The following MDFI variants were observed in gnomAD, a reference collection of about 807,000 sequenced individuals.
MDFI encodes the protein MyoD family inhibitor.
In MDFI, 16 loss-of-function variants were observed where a neutral mutation model predicts 22.3. The observed-to-expected ratio is 0.72, with a 90% CI of 0.49 to 1.09. The LOEUF is 1.09. Ranked by LOEUF, MDFI falls within the 50% of genes least tolerant of loss-of-function variation. The pLI is 0.00. For synonymous variants in MDFI, 145 were observed against 142.7 expected, an observed-to-expected ratio of 1.02 and a Z score of -0.12; for missense variants, 314 against 326.1, an observed-to-expected ratio of 0.96 and a Z score of 0.29.
intron 2 of MDFI, among the ~76,000 whole-genome samples, chr6:41,645,688 C>T (rs1462457317): frequency 2.6e-5 from 4 of 152,152 alleles, no homozygotes; most frequent in African/African-American, 4.8e-5. Context: ...ATCCCTTTTC[C>T]GTGCCCAATC....
rs1768394628 is a variant in MDFI at position 41,654,180 on chromosome 6, A to AGGAAG, written c.*614_*618dup. The AGGAAG allele has an allele frequency of 6.2e-6, 1 of 160,978 alleles. No individual in the cohort carries two copies. The highest frequency in any genetic ancestry group is 5.7e-5 in the Admixed American group (1 of 17,564). 10.0% of individuals were successfully genotyped at this position (160,978 alleles called of 1,614,324 possible). A position where few individuals can be genotyped will look rare whatever the true frequency, so the allele number is the denominator to read the frequency against. ...AGTATGGAAAAGACTGGAAGGGGAAAGGAAGGGAAGGGAGGGAGGGTCTGT... is the reference window on the plus strand; with the variant it reads ...AGTATGGAAAAGACTGGAAGGGGAAAGGAAGGGAAGGGAAGGGAGGGAGGGTCTGT... On this transcript the variant is annotated 3_prime_UTR_variant, in exon 5 of 5. Transcript: ENST00000230321.
intron 4 of MDFI, among the ~76,000 whole-genome samples, chr6:41,651,019 T>C (rs1243081603): frequency 6.6e-6 from 1 of 151,908 alleles, no homozygotes; most frequent in African/African-American, 2.4e-5. Context: ...CAGCCTTGTC[T>C]AAATGGTGAA....
chr6:41,642,722 T>C (rs1192107251), intron 2 of MDFI, among the ~76,000 whole-genome samples: 1 of 152,100 alleles, frequency 6.6e-6, no homozygotes, highest in Non-Finnish European at 1.5e-5. Context: ...CAGGTCAGGA[T>C]TATTGGACTT....
At chr6:41,639,121 G>A (rs1257478407) in intron 2 of MDFI, 8 of 559,814 alleles carry the variant, frequency 1.4e-5, no homozygotes, top group Non-Finnish European at 1.8e-5. Flanking sequence ...TACACTCCGC[G>A]GTGTCTGTCC....
intron 2 of MDFI, among the ~76,000 whole-genome samples, chr6:41,642,686 A>C (rs1021840135): frequency 1.3e-5 from 2 of 152,002 alleles, no homozygotes; most frequent in African/African-American, 4.8e-5. Context: ...CTGGCTCCAG[A>C]GGTTCTCTGT....
chr6:41,643,886 G>A (rs34979368), intron 2 of MDFI, among the ~76,000 whole-genome samples: 19,243 of 152,176 alleles, frequency 0.13, 1,367 homozygotes, highest in Middle Eastern at 0.21. Flanking sequence ...TGTAGGGCTT[G>A]GATCTTCTGC....
At chr6:41,645,634 C>T (rs1007940742) in intron 2 of MDFI, among the ~76,000 whole-genome samples, 4 of 152,152 alleles carry the variant, frequency 2.6e-5, no homozygotes, top group East Asian at 1.9e-4. Flanking sequence ...GCTATTGCTG[C>T]GTCTCACTCC....
rs1444852502 is a variant in MDFI at position 41,638,851 on chromosome 6, C to T, written c.76+26C>T. ...GTAGGACCGGGAGTGGCGAGCGAAG[C>T]TGGACAGGGGCGGGTGGGCGGCTGA... is the stretch of plus-strand genomic sequence containing the variant. On this transcript the variant is annotated intron_variant, in intron 2 of 4. Coordinates refer to ENST00000230321, the MANE Select transcript of MDFI (RefSeq NM_005586.4). The surrounding 1 kb of genome is among the most constrained non-coding windows in gnomAD (Gnocchi z 7.6). 12 of 1,537,072 alleles carry T rather than the reference C, an allele frequency of 7.8e-6. No individual in the cohort carries two copies. Among genetic ancestry groups the T allele is most frequent in the African/African-American group, 4.1e-5 (3 of 72,918 alleles).
chr6:41,639,646 C>T, intron 2 of MDFI: 1 of 985,442 alleles, frequency 1.0e-6, no homozygotes, highest in Non-Finnish European at 1.2e-6. Flanking sequence ...GGGATGTGTT[C>T]AGGGCCAGGG....
chr6:41,652,551 G>A lies in MDFI; in HGVS notation c.485-768G>A, dbSNP rs1227154882. Among the ~76,000 whole-genome samples, 5 of 151,962 alleles carry A rather than the reference G, an allele frequency of 3.3e-5. No individual in the cohort carries two copies. The East Asian group carries it at 9.7e-4, about 29-fold the overall frequency. On this transcript the variant is annotated intron_variant, in intron 4 of 4. Coordinates refer to ENST00000230321, the MANE Select transcript of MDFI (RefSeq NM_005586.4). ...GTAAGCAGGCTGTCGAAGGTGTCCA[G>A]GTGAGAGATGAGCCAGGTGGTAGGA...
chr6:41,649,762 T>C lies in MDFI; in HGVS notation c.403T>C (p.Ser135Pro). 1 of 1,613,920 alleles carries C rather than the reference T, an allele frequency of 6.2e-7. No individual in the cohort carries two copies. The highest frequency in any genetic ancestry group is 8.5e-7 in the Non-Finnish European group (1 of 1,179,978). The change falls in exon 4 of 5, where the codon TCT (serine) becomes CCT (proline). Residue 135 changes from serine to proline, a missense_variant. By Grantham distance (74) the Ser-to-Pro change is moderately conservative. Transcript: ENST00000230321. The stretch of plus-strand genomic sequence containing the variant: ...CCACCGGAAGTTGCAGACACACCCA[T>C]CTCTCGCCAGCCAGGGCAGCAAGAA... ...KAHRKLQTHPSLASQGSKKSK... is the reference protein window; with the variant it reads ...KAHRKLQTHPPLASQGSKKSK...
intron 2 of MDFI, among the ~76,000 whole-genome samples, chr6:41,640,677 C>T (rs1313690593): frequency 2.6e-5 from 4 of 152,202 alleles, no homozygotes; most frequent in Non-Finnish European, 5.9e-5. Flanking sequence ...GCCCCAGGGG[C>T]TCTGCTGGCA....
At chr6:41,647,303 G>A (rs765149698) in intron 3 of MDFI, among the ~76,000 whole-genome samples, 5 of 152,202 alleles carry the variant, frequency 3.3e-5, no homozygotes, top group Non-Finnish European at 7.3e-5. Context: ...AGCCCCCACG[G>A]CCATGGCCAC....
chr6:41,639,253 C>A (rs1395354068), intron 2 of MDFI: 1 of 985,264 alleles, frequency 1.0e-6, no homozygotes, highest in Admixed American at 6.1e-5. Flanking sequence ...CAACCAGAGC[C>A]CAGCGCTTCC....
At chr6:41,652,913 C>CATGCCTTCTG (rs1407566293) in intron 4 of MDFI, among the ~76,000 whole-genome samples, 2 of 152,090 alleles carry the variant, frequency 1.3e-5, no homozygotes, top group African/African-American at 4.8e-5. Flanking sequence ...CCACTGGGCC[C>CATGCCTTCTG]GGCCGACTTC....
rs1214702545 is a variant in MDFI, at chr6:41,653,801, T to C, written c.*226T>C. ...GTGGTGGGCCCATGGCAGAGAAGCC[T>C]GAACTCTTTACTGGGTTACCAGGTT... On this transcript the variant is annotated 3_prime_UTR_variant, in exon 5 of 5. Coordinates refer to ENST00000230321, the MANE Select transcript of MDFI (RefSeq NM_005586.4). The surrounding 1 kb of genome is among the most constrained non-coding windows in gnomAD (Gnocchi z 4.2). 2 of 607,658 alleles carry C rather than the reference T, an allele frequency of 3.3e-6. No individual in the cohort carries two copies. Among genetic ancestry groups the C allele is most frequent in the Non-Finnish European group, 5.8e-6 (2 of 345,468 alleles). The allele number at this position is 607,658 out of a possible 1,614,324, so 37.6% of individuals were successfully genotyped here. A position where few individuals can be genotyped will look rare whatever the true frequency, so the allele number is the denominator to read the frequency against.
chr6:41,648,332 C>T (rs780546592), intron 3 of MDFI, among the ~76,000 whole-genome samples: 1 of 152,150 alleles, frequency 6.6e-6, no homozygotes, highest in Non-Finnish European at 1.5e-5. Context: ...CTCTCCGGGA[C>T]TCAGTTTCCT....
intron 2 of MDFI, among the ~76,000 whole-genome samples, chr6:41,640,305 A>G (rs1374695050): frequency 8.6e-5 from 13 of 151,668 alleles, no homozygotes; most frequent in Admixed American, 8.5e-4. Flanking sequence ...CTCTCCCTCC[A>G]CTACCTCCTT....
chr6:41,640,252 T>C (rs138039859), intron 2 of MDFI, among the ~76,000 whole-genome samples: 33 of 152,212 alleles, frequency 2.2e-4, no homozygotes, highest in African/African-American at 7.9e-4. Flanking sequence ...TCCCATCCTC[T>C]TACTCTCTCC....
Sources: allele counts gnomAD v4.1 joint callset (sites outside exome capture counted in the v4.1 genomes callset), GRCh38; gene constraint gnomAD v4.1.1; non-coding constraint Gnocchi (gnomAD v3.1); transcripts MANE v1.5; gene names NCBI Gene and HGNC (gene_info 2026-07-23, HGNC 2026-07-21).